The following UBE2W variants were observed in gnomAD, a reference collection of about 807,000 sequenced individuals.
The protein encoded by UBE2W is ubiquitin conjugating enzyme E2 W.
UBE2W carries 18 observed loss-of-function variants against 27.2 expected under a neutral mutation model. The ratio of observed to expected loss-of-function variants is 0.66; its 90% CI spans 0.46 to 0.98. UBE2W has a LOEUF of 0.98. Among genes scored for constraint, UBE2W ranks in the 50% least tolerant of loss-of-function variants. The pLI is 0.00. For synonymous variants in UBE2W, 53 were observed against 57.2 expected (o/e 0.93, Z 0.33); for missense variants, 90 against 180.2 (o/e 0.50, Z 2.87).
intron 3 of UBE2W, among the ~76,000 whole-genome samples, chr8:73,822,184 C>A (rs1475686426): frequency 6.6e-6 from 1 of 152,150 alleles, no homozygotes; most frequent in Non-Finnish European, 1.5e-5. Context: ...AACTGCACAA[C>A]CCCTACTACG....
chr8:73,863,322 G>A lies in UBE2W; in HGVS notation c.15+15486C>T, dbSNP rs1336951079. Among the ~76,000 whole-genome samples, 326 of 141,816 alleles carry A rather than the reference G, an allele frequency of 2.3e-3. 1 individual carries two copies. The highest frequency in any genetic ancestry group is 3.9e-3 in the Non-Finnish European group (254 of 65,812). The allele number at this position is 141,816 out of a possible 152,430, so 93.0% of individuals were successfully genotyped here. A position where few individuals can be genotyped will look rare whatever the true frequency, so the allele number is the denominator to read the frequency against. Reference sequence around the variant, plus strand: ...AAATCATCATTCTCAGTAAACTATCGCAAGAACAAAAAACCAAACACCGCA... The same window carrying A: ...AAATCATCATTCTCAGTAAACTATCACAAGAACAAAAAACCAAACACCGCA... On this transcript the variant is annotated intron_variant, in intron 1 of 5. Transcript: ENST00000602593.
intron 1 of UBE2W, among the ~76,000 whole-genome samples, chr8:73,877,717 G>C (rs559643471): frequency 6.6e-6 from 1 of 152,158 alleles, no homozygotes; most frequent in Non-Finnish European, 1.5e-5. Flanking sequence ...CACTCCTATT[G>C]AGCGTTCTAC....
At chr8:73,853,014 T>TA (rs1811140905) in intron 1 of UBE2W, among the ~76,000 whole-genome samples, 1 of 152,134 alleles carries the variant, frequency 6.6e-6, no homozygotes, top group Admixed American at 6.6e-5. Flanking sequence ...TCCCAAAGTA[T>TA]TGGAATTAAG....
chr8:73,781,995 C>T (rs919330531), downstream of UBE2W, among the ~76,000 whole-genome samples: 1 of 134,294 alleles, frequency 7.4e-6, no homozygotes, highest in Non-Finnish European at 1.5e-5. Flanking sequence ...GGCTGGAGTG[C>T]AGTGGCATGA....
rs934841512 is a variant in UBE2W at position 73,856,368 on chromosome 8, T to G, written c.15+22440A>C. Among the ~76,000 whole-genome samples, 53 of 140,060 alleles carry G rather than the reference T, an allele frequency of 3.8e-4. 1 individual carries two copies. The highest frequency in any genetic ancestry group is 1.4e-3 in the African/African-American group (53 of 37,978). 91.9% of individuals were successfully genotyped at this position (140,060 alleles called of 152,430 possible). On this transcript the variant is annotated intron_variant, in intron 1 of 5. Coordinates refer to ENST00000602593, the MANE Select transcript of UBE2W (RefSeq NM_018299.6). ...ATATACACTTATGAATTTTTTTTTT[T>G]TTTTTTTTTTTTTGAGATGGGAGCC... is the stretch of plus-strand genomic sequence containing the variant.
Position 73,793,768 on chromosome 8 carries a change from A to G in UBE2W, c.*334T>C. The G allele has an allele frequency of 4.8e-6, 5 of 1,045,820 alleles. No homozygotes were observed. The highest frequency in any genetic ancestry group is 5.8e-6 in the Non-Finnish European group (5 of 869,328). The allele number at this position is 1,045,820 out of a possible 1,614,324, so 64.8% of individuals were successfully genotyped here. On this transcript the variant is annotated 3_prime_UTR_variant, in exon 6 of 6. Coordinates refer to ENST00000602593, the MANE Select transcript of UBE2W (RefSeq NM_018299.6). Reference sequence around the variant, plus strand: ...CATTGCCGGCAATGAACGTACCAAAACCGCCAAGGAAGTCATTGTTATTGC... The same window carrying G: ...CATTGCCGGCAATGAACGTACCAAAGCCGCCAAGGAAGTCATTGTTATTGC...
chr8:73,802,425 A>T (rs1398275524), intron 5 of UBE2W, among the ~76,000 whole-genome samples: 2 of 152,210 alleles, frequency 1.3e-5, no homozygotes, highest in Admixed American at 6.5e-5. Flanking sequence ...AGCTATAAAC[A>T]TTTCAAAATT....
At chr8:73,813,083 C>CAAAAAAAAA (rs56094830) in intron 3 of UBE2W, among the ~76,000 whole-genome samples, 722 of 43,442 alleles carry the variant, frequency 0.017, 124 homozygotes, top group Non-Finnish European at 0.023. Context: ...GAAAGTGCCA[C>CAAAAAAAAA]AAAAAAAAAA....
At chr8:73,833,585 G>C (rs1810183069) in intron 1 of UBE2W, among the ~76,000 whole-genome samples, 1 of 151,986 alleles carries the variant, frequency 6.6e-6, no homozygotes, top group Non-Finnish European at 1.5e-5. Flanking sequence ...TATTTGTACA[G>C]CTTTTATTGT....
exon 5 of UBE2W, chr8:73,780,477 G>C (rs1399820932): frequency 2.2e-6 from 1 of 452,110 alleles, no homozygotes; most frequent in Non-Finnish European, 4.4e-6. Flanking sequence ...TGGAGGACAT[G>C]ATTCAATCCG....
chr8:73,786,550 A>G lies in UBE2W; in HGVS notation c.*7552T>C, dbSNP rs1807964763. The G allele has an allele frequency of 1.0e-6, 1 of 985,344 alleles. No individual in the cohort carries two copies. Among genetic ancestry groups the G allele is most frequent in the South Asian group, 4.7e-5 (1 of 21,296 alleles). 61.0% of individuals were successfully genotyped at this position (985,344 alleles called of 1,614,324 possible). ...GGTAGGGAGAGAAGAAAGGACAAGG[A>G]TGATAACCTTTCAGCTACCTTTGAA... On this transcript the variant is annotated 3_prime_UTR_variant, in exon 6 of 6. Transcript: ENST00000602593.
chr8:73,871,843 G>C (rs926306106), intron 1 of UBE2W, among the ~76,000 whole-genome samples: 5 of 152,166 alleles, frequency 3.3e-5, no homozygotes, highest in Non-Finnish European at 7.4e-5. Flanking sequence ...TTTTGAGACA[G>C]GGTCTCACTC....
rs750996696 is a variant in UBE2W at position 73,790,004 on chromosome 8, T to C, written c.*4098A>G. 1 of 985,226 alleles carries C rather than the reference T, an allele frequency of 1.0e-6. No homozygotes were observed. The highest frequency in any genetic ancestry group is 1.2e-6 in the Non-Finnish European group (1 of 829,810). 61.0% of individuals were successfully genotyped at this position (985,226 alleles called of 1,614,324 possible). ...CTTAATATTAGTACTAAAGAACTAA[T>C]TACAGCTAACAGCTCATTTACCAAG... On this transcript the variant is annotated 3_prime_UTR_variant, in exon 6 of 6. Coordinates refer to ENST00000602593, the MANE Select transcript of UBE2W (RefSeq NM_018299.6).
At chr8:73,863,575 T>C (rs1382632271) in intron 1 of UBE2W, among the ~76,000 whole-genome samples, 2 of 114,496 alleles carry the variant, frequency 1.7e-5, no homozygotes, top group African/African-American at 3.9e-5. Flanking sequence ...ACTTAAAGTA[T>C]AATAAAAAAA....
At position 73,793,012 on chromosome 8, in the gene UBE2W, A is replaced by G. The variant is rs959175444; in HGVS notation, c.*1090T>C. 43 of 985,536 alleles carry G rather than the reference A, an allele frequency of 4.4e-5. No individual in the cohort carries two copies. The African/African-American group carries it at 7.3e-4, about 17-fold the overall frequency. 61.0% of individuals were successfully genotyped at this position (985,536 alleles called of 1,614,324 possible). On this transcript the variant is annotated 3_prime_UTR_variant, in exon 6 of 6. Coordinates refer to ENST00000602593, the MANE Select transcript of UBE2W (RefSeq NM_018299.6). The stretch of plus-strand genomic sequence containing the variant: ...TTTCTTATTTTAGGGTACAGGATTA[A>G]AGGACAAGATGATACTCACAAGTAA...
intron 1 of UBE2W, among the ~76,000 whole-genome samples, chr8:73,874,429 C>G (rs1812135006): frequency 6.6e-6 from 1 of 151,558 alleles, no homozygotes. Context: ...GACTCTGTCT[C>G]AAAAAAATAA....
chr8:73,854,318 A>G (rs182128563), intron 1 of UBE2W, among the ~76,000 whole-genome samples: 1 of 152,312 alleles, frequency 6.6e-6, no homozygotes, highest in East Asian at 1.9e-4. Flanking sequence ...AGATCATGGC[A>G]TATTGTTAGA....
intron 1 of UBE2W, among the ~76,000 whole-genome samples, chr8:73,843,479 A>G (rs912089781): frequency 1.3e-5 from 2 of 152,106 alleles, no homozygotes; most frequent in Non-Finnish European, 2.9e-5. Context: ...CAAAAAAATA[A>G]AAAATTTGCC....
intron 1 of UBE2W, among the ~76,000 whole-genome samples, chr8:73,872,069 C>T (rs1214113669): frequency 6.6e-6 from 1 of 151,976 alleles, no homozygotes; most frequent in East Asian, 1.9e-4. Flanking sequence ...AATTTTTGTC[C>T]CACGCTGGGA....
Sources: allele counts gnomAD v4.1 joint callset (sites outside exome capture counted in the v4.1 genomes callset), GRCh38; gene constraint gnomAD v4.1.1; transcripts MANE v1.5; gene names NCBI Gene and HGNC (gene_info 2026-07-23, HGNC 2026-07-21).